Variants in SH3GL2 observed in about 807,000 individuals in gnomAD.
The protein encoded by SH3GL2 is endophilin-A1.
Under a neutral mutation model 46.0 loss-of-function variants are expected in SH3GL2, and 24 were observed. The observed-to-expected ratio is 0.52, with a 90% CI of 0.38 to 0.73. SH3GL2 has a LOEUF of 0.73. Ranked by LOEUF, SH3GL2 falls within the 30% of genes least tolerant of loss-of-function variation. The probability of loss-of-function intolerance (pLI) is 0.00; values close to 1 mark genes in which losing one functional copy is unlikely to be tolerated. For missense variants in SH3GL2, 413 were observed against 424.2 expected, an observed-to-expected ratio of 0.97 and a Z score of 0.23; for synonymous variants, 196 against 147.1, an observed-to-expected ratio of 1.33 and a Z score of -2.40.
intron 1 of SH3GL2, among the ~76,000 whole-genome samples, chr9:17,675,075 A>C (rs546540219): frequency 6.6e-6 from 1 of 152,266 alleles, no homozygotes; most frequent in East Asian, 1.9e-4. Context: ...AACTGAATTG[A>C]CGTCTCTACT....
At chr9:17,699,446 G>A (rs1403413233) in intron 1 of SH3GL2, among the ~76,000 whole-genome samples, 1 of 152,148 alleles carries the variant, frequency 6.6e-6, no homozygotes, top group Admixed American at 6.5e-5. Context: ...ATTCTCTCCT[G>A]TGCCTAGTTT....
intron 1 of SH3GL2, among the ~76,000 whole-genome samples, chr9:17,675,291 T>G (rs2117994117): frequency 6.6e-6 from 1 of 152,254 alleles, no homozygotes; most frequent in East Asian, 1.9e-4. Context: ...AATTCAGGAC[T>G]TAAGGGGTGA....
intron 1 of SH3GL2, among the ~76,000 whole-genome samples, chr9:17,673,938 A>T (rs1224064711): frequency 6.6e-6 from 1 of 152,136 alleles, no homozygotes; most frequent in Admixed American, 6.5e-5. Context: ...TATCTCTATG[A>T]TAGATCCTTG....
At chr9:17,787,732 C>T (rs1345212373) in intron 5 of SH3GL2, among the ~76,000 whole-genome samples, 1 of 152,082 alleles carries the variant, frequency 6.6e-6, no homozygotes, top group Non-Finnish European at 1.5e-5. Flanking sequence ...TCTCTGGCTT[C>T]TCTATGTTTG....
At position 17,789,409 on chromosome 9, in the gene SH3GL2, G is replaced by A. The variant is rs996574788; in HGVS notation, c.483G>A (p.Leu161=). The part of the protein sequence containing the change: ...LREIQHHLKK[L]EGRRLDFDYK... ...TTTTGCAGCATCATCTAAAGAAGTT[G>A]GAGGGTCGACGCCTGGATTTTGATT... Residue 161 remains leucine, a synonymous_variant, in exon 6 of 9, where the codon TTG becomes TTA. Coordinates refer to ENST00000380607, the MANE Select transcript of SH3GL2 (RefSeq NM_003026.5). 3 of 1,613,146 alleles carry A rather than the reference G, an allele frequency of 1.9e-6. No homozygotes were observed. The highest frequency in any genetic ancestry group is 1.1e-5 in the South Asian group (1 of 91,064).
At chr9:17,756,581 T>C (rs1822996261) in intron 2 of SH3GL2, among the ~76,000 whole-genome samples, 1 of 150,044 alleles carries the variant, frequency 6.7e-6, no homozygotes, top group African/African-American at 2.4e-5. Context: ...CGGTGTTTGG[T>C]TTTTTGTCCT....
intron 1 of SH3GL2, among the ~76,000 whole-genome samples, chr9:17,694,676 AC>A (rs1250858483): frequency 1.1e-4 from 16 of 152,186 alleles, no homozygotes; most frequent in Admixed American, 1.0e-3. Context: ...TTGGAAATGA[AC>A]ATATTCACCT....
intron 3 of SH3GL2, among the ~76,000 whole-genome samples, chr9:17,780,086 T>G (rs1244897773): frequency 6.6e-6 from 1 of 152,192 alleles, no homozygotes; most frequent in Non-Finnish European, 1.5e-5. Flanking sequence ...AATTTCTGAA[T>G]TTGTTATTGA....
chr9:17,625,487 C>A (rs538185287), intron 1 of SH3GL2, among the ~76,000 whole-genome samples: 1 of 152,218 alleles, frequency 6.6e-6, no homozygotes, highest in Admixed American at 6.5e-5. Context: ...CTACTTTTCT[C>A]ATCTCATGGG....
At chr9:17,623,914 C>A (rs144424305) in intron 1 of SH3GL2, among the ~76,000 whole-genome samples, 1 of 152,142 alleles carries the variant, frequency 6.6e-6, no homozygotes, top group Non-Finnish European at 1.5e-5. Flanking sequence ...AAAATCAGAT[C>A]TAATATTTAT....
chr9:17,778,613 A>G (rs1823712701), intron 3 of SH3GL2, among the ~76,000 whole-genome samples: 1 of 152,084 alleles, frequency 6.6e-6, no homozygotes, highest in Admixed American at 6.6e-5. Flanking sequence ...AAATTACACT[A>G]AATAGGACTG....
intron 1 of SH3GL2, among the ~76,000 whole-genome samples, chr9:17,582,702 AC>A (rs972016606): frequency 5.3e-5 from 8 of 152,242 alleles, no homozygotes; most frequent in African/African-American, 1.9e-4. Context: ...CGACAGAAAT[AC>A]ATTGTTTCCC....
At position 17,757,419 on chromosome 9, in the gene SH3GL2, G is replaced by A. The variant is rs182683615; in HGVS notation, c.115-4018G>A. Among the ~76,000 whole-genome samples the A allele has an allele frequency of 7.8e-3, 1,186 of 152,226 alleles. 18 individuals carry two copies. Among genetic ancestry groups the A allele is most frequent in the African/African-American group, 0.027 (1,132 of 41,514 alleles). On this transcript the variant is annotated intron_variant, in intron 2 of 8. Coordinates refer to ENST00000380607, the MANE Select transcript of SH3GL2 (RefSeq NM_003026.5). ...TTTTGCAATCTATTCATCTGACAAAGAGCTAATATCCAGAATCTACAAAGA... is the reference window on the plus strand; with the variant it reads ...TTTTGCAATCTATTCATCTGACAAAAAGCTAATATCCAGAATCTACAAAGA...
At chr9:17,740,203 T>C (rs1300970052) in intron 1 of SH3GL2, among the ~76,000 whole-genome samples, 1 of 152,154 alleles carries the variant, frequency 6.6e-6, no homozygotes, top group Non-Finnish European at 1.5e-5. Flanking sequence ...AAGAAAATCT[T>C]AAATTTCCGG....
chr9:17,652,226 A>G (rs552586268), intron 1 of SH3GL2, among the ~76,000 whole-genome samples: 2 of 152,240 alleles, frequency 1.3e-5, no homozygotes, highest in South Asian at 2.1e-4. Context: ...TTTTAGGTGC[A>G]TGCCGTAAAT....
intron 3 of SH3GL2, among the ~76,000 whole-genome samples, chr9:17,785,564 T>A (rs1823932165): frequency 6.6e-6 from 1 of 152,334 alleles, no homozygotes. Context: ...CCTAGGTTAA[T>A]GTGTAATCCC....
At position 17,791,282 on chromosome 9, in the gene SH3GL2, CACA is replaced by C; in HGVS notation, c.678_680del (p.His226_Lys227delinsGln). 1 of 1,613,742 alleles carries C rather than the reference CACA, an allele frequency of 6.2e-7. No individual in the cohort carries two copies. The highest frequency in any genetic ancestry group is 8.5e-7 in the Non-Finnish European group (1 of 1,179,690). ...ACTTGTGCAAGCTCAGCTGGAGTACCACAAGCAGGCAGTCCAGATCCTGCAGCA... is the reference window on the plus strand; with the variant it reads ...ACTTGTGCAAGCTCAGCTGGAGTACCAGCAGGCAGTCCAGATCCTGCAGCA... On this transcript the variant is annotated inframe_deletion, in exon 7 of 9. Transcript: ENST00000380607.
intron 3 of SH3GL2, among the ~76,000 whole-genome samples, chr9:17,778,820 T>C (rs1563850877): frequency 6.6e-6 from 1 of 152,082 alleles, no homozygotes; most frequent in Non-Finnish European, 1.5e-5. Flanking sequence ...AAGAGAGACA[T>C]CAAAGATAAC....
rs966485372 is a variant in SH3GL2 at position 17,579,154 on chromosome 9, C to T, written c.-89C>T. The T allele has an allele frequency of 3.0e-5, 28 of 940,582 alleles. No individual in the cohort carries two copies. The highest frequency in any genetic ancestry group is 1.1e-4 in the South Asian group (6 of 53,176). 58.3% of individuals were successfully genotyped at this position (940,582 alleles called of 1,614,324 possible). On this transcript the variant is annotated 5_prime_UTR_variant, in exon 1 of 9. Coordinates refer to ENST00000380607, the MANE Select transcript of SH3GL2 (RefSeq NM_003026.5). The stretch of plus-strand genomic sequence containing the variant: ...CCGGCGGCGGCACGACCAGAGGCGG[C>T]CAGGGGAGCGCGCCGCCCCGCTCGG...
Sources: gnomAD v4.1 joint callset for allele counts (sites outside exome capture counted in the v4.1 genomes callset) on GRCh38, gnomAD v4.1.1 for gene constraint, MANE v1.5 for transcripts, NCBI Gene and HGNC (gene_info 2026-07-23, HGNC 2026-07-21) for gene names.